The following YES1 variants were observed in gnomAD, a reference collection of about 807,000 sequenced individuals.
YES1 encodes the protein YES proto-oncogene 1, Src family tyrosine kinase.
Under a neutral mutation model 70.4 loss-of-function variants are expected in YES1, and 39 were observed. The ratio of observed to expected loss-of-function variants is 0.55; its 90% CI spans 0.43 to 0.72. The LOEUF is 0.72. YES1 is among the 30% of genes least tolerant of loss of function. YES1 has a pLI of 0.00. For synonymous variants in YES1, 198 were observed against 218.6 expected (o/e 0.91, Z 0.83); for missense variants, 495 against 644.8 (o/e 0.77, Z 2.52).
intron 1 of YES1, among the ~76,000 whole-genome samples, chr18:773,177 T>C (rs1276706759): frequency 6.6e-6 from 1 of 152,218 alleles, no homozygotes; most frequent in East Asian, 1.9e-4. Flanking sequence ...ATTTCCACAT[T>C]AGATTTTTCT....
intron 1 of YES1, among the ~76,000 whole-genome samples, chr18:811,745 CG>C (rs1907394182): frequency 6.6e-6 from 1 of 152,218 alleles, no homozygotes; most frequent in African/African-American, 2.4e-5. Flanking sequence ...CCGCTTCCCT[CG>C]CCCCTACTTC....
At chr18:774,668 G>T (rs901400396) in intron 1 of YES1, among the ~76,000 whole-genome samples, 26 of 152,036 alleles carry the variant, frequency 1.7e-4, no homozygotes, top group African/African-American at 6.0e-4. Flanking sequence ...CCTGGTCTAG[G>T]TCACATCACC....
intron 10 of YES1, among the ~76,000 whole-genome samples, chr18:735,148 CTG>C (rs1212130839): frequency 1.1e-5 from 1 of 92,238 alleles, no homozygotes; most frequent in Non-Finnish European, 2.1e-5. Flanking sequence ...CAGATTGAGA[CTG>C]TGTCTCAAAG....
At chr18:768,672 C>T (rs1048289737) in intron 1 of YES1, among the ~76,000 whole-genome samples, 2 of 151,942 alleles carry the variant, frequency 1.3e-5, no homozygotes, top group African/African-American at 4.8e-5. Context: ...TTTTACCATA[C>T]CTTTTCTATG....
chr18:773,976 C>A (rs1199820028), intron 1 of YES1, among the ~76,000 whole-genome samples: 1 of 152,126 alleles, frequency 6.6e-6, no homozygotes. Flanking sequence ...GAATTACATG[C>A]GCCCACCATC....
At chr18:791,395 C>T (rs1222825669) in intron 1 of YES1, among the ~76,000 whole-genome samples, 1 of 152,082 alleles carries the variant, frequency 6.6e-6, no homozygotes, top group Admixed American at 6.6e-5. Context: ...AAATACTATC[C>T]TAAGTACTCT....
At chr18:750,187 C>T (rs1026093592) in intron 3 of YES1, among the ~76,000 whole-genome samples, 1 of 152,212 alleles carries the variant, frequency 6.6e-6, no homozygotes, top group African/African-American at 2.4e-5. Context: ...AACTCATACA[C>T]TTGGTTTGTG....
chr18:729,515 CA>C (rs2080062075), intron 11 of YES1, among the ~76,000 whole-genome samples: 1 of 150,890 alleles, frequency 6.6e-6, no homozygotes, highest in South Asian at 2.1e-4. Flanking sequence ...CATTATTTTG[CA>C]AAACTTTTCT....
intron 1 of YES1, among the ~76,000 whole-genome samples, chr18:757,456 T>C (rs1394457904): frequency 8.6e-5 from 12 of 140,074 alleles, no homozygotes; most frequent in East Asian, 2.1e-4. Context: ...TGAGCAGAGA[T>C]CGCGCCACTG....
intron 1 of YES1, among the ~76,000 whole-genome samples, chr18:779,052 G>C (rs573868315): frequency 6.6e-6 from 1 of 152,116 alleles, no homozygotes; most frequent in South Asian, 2.1e-4. Context: ...CTGGAACCTC[G>C]TAGTTTCTTT....
chr18:731,471 G>C (rs956812479), intron 11 of YES1, among the ~76,000 whole-genome samples: 2 of 152,122 alleles, frequency 1.3e-5, no homozygotes, highest in African/African-American at 4.8e-5. Flanking sequence ...GGGAACTGTA[G>C]GGAAGAGGAA....
At chr18:746,673 T>C (rs938390553) in intron 4 of YES1, among the ~76,000 whole-genome samples, 1 of 152,242 alleles carries the variant, frequency 6.6e-6, no homozygotes, top group Non-Finnish European at 1.5e-5. Flanking sequence ...ACCTATCATA[T>C]ACAAGGTACG....
Position 725,433 on chromosome 18 carries a change from C to T in YES1, c.1424-801G>A, listed in dbSNP as rs1018723833. ...TAAAGAAAATGTAATGGGGTTAAAT[C>T]ATTACTATTTAGATTTTTAGTTATT... On this transcript the variant is annotated intron_variant, in intron 11 of 11. Transcript: ENST00000314574. 2.0e-5 allele frequency among the ~76,000 whole-genome samples: 3 copies of T among 152,164 alleles called. 1 individual carries two copies. The South Asian group carries it at 6.2e-4, about 32-fold the overall frequency.
At chr18:775,519 GGAT>G (rs879434856) in intron 1 of YES1, among the ~76,000 whole-genome samples, 3 of 152,106 alleles carry the variant, frequency 2.0e-5, no homozygotes, top group Non-Finnish European at 2.9e-5. Context: ...AATCACGGCC[GGAT>G]GTAGTGGCTC....
In YES1 at chr18:775,712, G is replaced by A. The variant is rs138436447; in HGVS notation, c.-8-18877C>T. Among the ~76,000 whole-genome samples, 973 of 152,170 alleles carry A rather than the reference G, an allele frequency of 6.4e-3. 5 individuals are homozygous for A. Among genetic ancestry groups the A allele is most frequent in the African/African-American group, 0.021 (855 of 41,516 alleles). On this transcript the variant is annotated intron_variant, in intron 1 of 11. Transcript: ENST00000314574. ...CTTGGGAGGCTGAGGTTGGAGGATC[G>A]CTTGAGCCTGGGAGATAGAGGCTAC... is the stretch of plus-strand genomic sequence containing the variant.
intron 6 of YES1, 116 bp downstream of exon 6, chr18:745,592 G>T: frequency 1.0e-6 from 1 of 967,380 alleles, no homozygotes; most frequent in Non-Finnish European, 1.5e-6. Flanking sequence ...ACATTTATTG[G>T]GCATGTATTA....
chr18:744,183 T>C (rs1189295926), intron 6 of YES1, among the ~76,000 whole-genome samples: 1 of 151,858 alleles, frequency 6.6e-6, no homozygotes, highest in Non-Finnish European at 1.5e-5. Flanking sequence ...TACGCAACTT[T>C]CCCCTAAGGC....
chr18:798,648 G>C (rs1028657983), intron 1 of YES1, among the ~76,000 whole-genome samples: 10 of 152,116 alleles, frequency 6.6e-5, no homozygotes, highest in African/African-American at 2.4e-4. Context: ...ACTAGAAGTG[G>C]TATGTAGATG....
At chr18:767,060 A>AGTCTGAACTCTTCT (rs1162182495) in intron 1 of YES1, among the ~76,000 whole-genome samples, 1 of 68,570 alleles carries the variant, frequency 1.5e-5, no homozygotes, top group Non-Finnish European at 2.9e-5. Context: ...TTCATCTGTA[A>AGTCTGAACTCTTCT]GTCTGAACTC....
Sources: gnomAD v4.1 joint callset for allele counts (sites outside exome capture counted in the v4.1 genomes callset) on GRCh38, gnomAD v4.1.1 for gene constraint, MANE v1.5 for transcripts, NCBI Gene and HGNC (gene_info 2026-07-23, HGNC 2026-07-21) for gene names.